ESRRG: variants seen among roughly 807,000 people sequenced by gnomAD.
ESRRG encodes the protein estrogen-related receptor gamma.
ESRRG carries 13 observed loss-of-function variants against 44.0 expected under a neutral mutation model. The ratio of observed to expected loss-of-function variants is 0.30; its 90% CI spans 0.19 to 0.47. ESRRG has a LOEUF of 0.47. Ranked by LOEUF, ESRRG falls within the 20% of genes least tolerant of loss-of-function variation. The probability of loss-of-function intolerance (pLI) is 1.00; values close to 1 mark genes in which losing one functional copy is unlikely to be tolerated. For missense variants in ESRRG, 395 were observed against 580.6 expected (o/e 0.68, Z 3.29); for synonymous variants, 215 against 214.6 (o/e 1.00, Z -0.02).
At chr1:216,615,799 T>C (rs2061354933) in intron 3 of ESRRG, among the ~76,000 whole-genome samples, 1 of 148,884 alleles carries the variant, frequency 6.7e-6, no homozygotes, top group Non-Finnish European at 1.5e-5. Context: ...GAGATTCTCC[T>C]GACTCAGCCT....
chr1:217,029,134 G>C (rs942589324), intron 1 of ESRRG, among the ~76,000 whole-genome samples: 16 of 152,004 alleles, frequency 1.1e-4, no homozygotes, highest in Non-Finnish European at 1.8e-4. Context: ...TGACTTACCT[G>C]TATAAATAGA....
At chr1:216,956,379 A>C (rs993036273) in intron 1 of ESRRG, among the ~76,000 whole-genome samples, 2 of 152,198 alleles carry the variant, frequency 1.3e-5, no homozygotes, top group Admixed American at 6.5e-5. Flanking sequence ...ACCTCAATGA[A>C]TGTTATTGGC....
chr1:216,523,183 C>T (rs897301657), intron 5 of ESRRG, among the ~76,000 whole-genome samples: 2 of 152,150 alleles, frequency 1.3e-5, no homozygotes, highest in East Asian at 1.9e-4. Context: ...GCTGACAACT[C>T]GGATCTCTCT....
At chr1:216,719,336 G>A (rs1462101114) in intron 1 of ESRRG, among the ~76,000 whole-genome samples, 1 of 151,838 alleles carries the variant, frequency 6.6e-6, no homozygotes, top group Non-Finnish European at 1.5e-5. Flanking sequence ...TCTTTTCTCA[G>A]CCAGGAAGCA....
At chr1:217,106,573 G>T (rs962772111) in intron 1 of ESRRG, among the ~76,000 whole-genome samples, 26 of 152,192 alleles carry the variant, frequency 1.7e-4, no homozygotes, top group Admixed American at 7.2e-4. Flanking sequence ...GCTCTGAGTT[G>T]TTTTGCATAA....
At position 216,504,967 on chromosome 1, in the gene ESRRG, T is replaced by G. The variant is rs1046221261; in HGVS notation, c.*1972A>C. 3 of 152,610 alleles carry G rather than the reference T, an allele frequency of 2.0e-5. No homozygotes were observed. The highest frequency in any genetic ancestry group is 7.2e-5 in the African/African-American group (3 of 41,440). 9.5% of individuals were successfully genotyped at this position (152,610 alleles called of 1,614,324 possible). A position where few individuals can be genotyped will look rare whatever the true frequency, so the allele number is the denominator to read the frequency against. On this transcript the variant is annotated 3_prime_UTR_variant, in exon 7 of 7. Coordinates refer to ENST00000408911, the MANE Select transcript of ESRRG (RefSeq NM_001438.4). ...CAATATTGTCTCTAATTCTACCCTG[T>G]GTCTAAAAGCACACACCACAAGAAT... is the stretch of plus-strand genomic sequence containing the variant.
chr1:216,951,375 C>T (rs1448864201), intron 1 of ESRRG, among the ~76,000 whole-genome samples: 1 of 152,070 alleles, frequency 6.6e-6, no homozygotes, highest in Non-Finnish European at 1.5e-5. Flanking sequence ...AATGTACTGC[C>T]AAAATGGGCT....
Position 216,591,129 on chromosome 1 carries a change from T to A in ESRRG, c.590-23031A>T, listed in dbSNP as rs1437730617. On this transcript the variant is annotated intron_variant, in intron 3 of 6. Transcript: ENST00000408911. Reference sequence around the variant, plus strand: ...CAGATAGCTTCAGAATTAGGGCTGGTCACCAGAAATACCAAGTCTTGATTA... The same window carrying A: ...CAGATAGCTTCAGAATTAGGGCTGGACACCAGAAATACCAAGTCTTGATTA... Among the ~76,000 whole-genome samples the A allele has an allele frequency of 4.6e-5, 7 of 152,194 alleles. No individual in the cohort carries two copies. The East Asian group carries it at 1.3e-3, about 29-fold the overall frequency.
At chr1:216,804,571 T>C (rs1288734720) in intron 2 of ESRRG, among the ~76,000 whole-genome samples, 5 of 152,162 alleles carry the variant, frequency 3.3e-5, no homozygotes, top group Non-Finnish European at 5.9e-5. Context: ...TGTATCTTTT[T>C]AAAAGGCTGT....
chr1:216,700,124 C>CTTTT (rs11464355), intron 1 of ESRRG, among the ~76,000 whole-genome samples: 1 of 147,156 alleles, frequency 6.8e-6, no homozygotes, highest in Non-Finnish European at 1.5e-5. Flanking sequence ...AGCCCCGCAC[C>CTTTT]TTTTTTTTTT....
chr1:216,991,017 C>T (rs2818772), intron 1 of ESRRG, among the ~76,000 whole-genome samples: 38,171 of 151,714 alleles, frequency 0.25, 6,422 homozygotes, highest in African/African-American at 0.46. Flanking sequence ...GACAGGGAGG[C>T]GAGCACTACC....
chr1:216,930,045 C>G (rs773001494), intron 2 of ESRRG, among the ~76,000 whole-genome samples: 1 of 152,138 alleles, frequency 6.6e-6, no homozygotes, highest in Non-Finnish European at 1.5e-5. Context: ...AGGAGAGACC[C>G]CTCACCACTG....
intron 2 of ESRRG, among the ~76,000 whole-genome samples, chr1:216,752,812 T>A (rs2092144493): frequency 6.6e-6 from 1 of 152,230 alleles, no homozygotes; most frequent in South Asian, 2.1e-4. Flanking sequence ...GTTAGTTAAC[T>A]TTACTGTACT....
chr1:216,517,671 A>G (rs2044750450), intron 6 of ESRRG, among the ~76,000 whole-genome samples: 1 of 152,196 alleles, frequency 6.6e-6, no homozygotes, highest in South Asian at 2.1e-4. Flanking sequence ...GAGATGGTAT[A>G]ATGTGAAGTC....
intron 1 of ESRRG, among the ~76,000 whole-genome samples, chr1:217,087,813 C>T (rs945602999): frequency 5.3e-5 from 8 of 152,192 alleles, no homozygotes; most frequent in African/African-American, 1.4e-4. Flanking sequence ...CAAATGTACG[C>T]TTAAATGATC....
upstream of ESRRG, among the ~76,000 whole-genome samples, chr1:216,725,622 C>A (rs1363449155): frequency 6.6e-6 from 1 of 152,022 alleles, no homozygotes; most frequent in Non-Finnish European, 1.5e-5. Context: ...TGATTACTAT[C>A]GTGATTTCTG....
chr1:216,821,035 C>T (rs2576231), intron 2 of ESRRG, among the ~76,000 whole-genome samples: 125,227 of 152,200 alleles, frequency 0.82, 52,113 homozygotes, highest in African/African-American at 0.96. Context: ...AGAGCCTGAC[C>T]TAGTTTTATA....
At chr1:216,560,236 A>G (rs1203379298) in intron 5 of ESRRG, among the ~76,000 whole-genome samples, 2 of 152,144 alleles carry the variant, frequency 1.3e-5, no homozygotes, top group Non-Finnish European at 2.9e-5. Context: ...TCTATTTGAT[A>G]TCATTACAAT....
chr1:216,846,013 C>T (rs1419383345), intron 2 of ESRRG, among the ~76,000 whole-genome samples: 9 of 152,110 alleles, frequency 5.9e-5, no homozygotes, highest in Admixed American at 2.6e-4. Flanking sequence ...ACAGTAACCA[C>T]TTAACCGTAT....
Sources: gnomAD v4.1 joint callset for allele counts (sites outside exome capture counted in the v4.1 genomes callset) on GRCh38, gnomAD v4.1.1 for gene constraint, MANE v1.5 for transcripts, NCBI Gene and HGNC (gene_info 2026-07-23, HGNC 2026-07-21) for gene names.